Variants in PLCB1 observed in about 807,000 individuals in gnomAD.
PLCB1 encodes 1-phosphatidylinositol 4,5-bisphosphate phosphodiesterase beta-1.
A neutral mutation model predicts 161.8 loss-of-function variants in PLCB1; 46 were observed. That is an observed-to-expected ratio of 0.28 (90% CI 0.22 to 0.36). The LOEUF (loss-of-function observed/expected upper bound fraction) is 0.36, where lower values mean the gene tolerates loss of function less well. Ranked by LOEUF, PLCB1 falls within the 10% of genes least tolerant of loss-of-function variation. The pLI is 1.00. For missense variants in PLCB1, 1,016 were observed against 1,472.5 expected, an observed-to-expected ratio of 0.69 and a Z score of 5.07; for synonymous variants, 517 against 503.7, an observed-to-expected ratio of 1.03 and a Z score of -0.35.
At chr20:8,347,469 T>C (rs997787097) in intron 2 of PLCB1, among the ~76,000 whole-genome samples, 8 of 152,170 alleles carry the variant, frequency 5.3e-5, no homozygotes, top group South Asian at 2.1e-4. Context: ...CAGACTCCAA[T>C]TGGAGCTAGG....
At chr20:8,631,090 A>C (rs1024953269) in intron 4 of PLCB1, among the ~76,000 whole-genome samples, 1 of 152,226 alleles carries the variant, frequency 6.6e-6, no homozygotes. Context: ...CCAGAAACTT[A>C]AGATTTGCAA....
chr20:8,493,521 T>C (rs1983032816), intron 3 of PLCB1, among the ~76,000 whole-genome samples: 1 of 152,260 alleles, frequency 6.6e-6, no homozygotes, highest in South Asian at 2.1e-4. Flanking sequence ...GGAAAATTTA[T>C]TAAATCTCCA....
intron 31 of PLCB1, among the ~76,000 whole-genome samples, chr20:8,858,197 A>AC (rs559950234): frequency 1.5e-3 from 224 of 152,318 alleles, no homozygotes; most frequent in African/African-American, 4.9e-3. Context: ...AACATAAACT[A>AC]AATACTGTTT....
chr20:8,139,906 T>A (rs6039043), intron 1 of PLCB1, among the ~76,000 whole-genome samples: 9,278 of 152,212 alleles, frequency 0.061, 835 homozygotes, highest in African/African-American at 0.2. Flanking sequence ...AAAATTAATA[T>A]TTCCACCAAA....
At chr20:8,634,773 C>T (rs1020784895) in intron 4 of PLCB1, among the ~76,000 whole-genome samples, 3 of 152,178 alleles carry the variant, frequency 2.0e-5, no homozygotes, top group Admixed American at 6.5e-5. Flanking sequence ...CCAAGCACCT[C>T]GCTGGGCACT....
intron 2 of PLCB1, among the ~76,000 whole-genome samples, chr20:8,258,609 A>G (rs1055033047): frequency 1.3e-5 from 2 of 152,200 alleles, no homozygotes; most frequent in Admixed American, 6.6e-5. Context: ...AAGAAGAGGA[A>G]TTTATTACAG....
At chr20:8,791,798 G>A (rs1215809797) in intron 31 of PLCB1, among the ~76,000 whole-genome samples, 1 of 152,108 alleles carries the variant, frequency 6.6e-6, no homozygotes, top group African/African-American at 2.4e-5. Context: ...AGGTCATCAT[G>A]ATTAAAATCA....
intron 3 of PLCB1, among the ~76,000 whole-genome samples, chr20:8,550,830 C>A (rs1180612748): frequency 6.6e-6 from 1 of 152,138 alleles, no homozygotes; most frequent in Non-Finnish European, 1.5e-5. Context: ...TTGGAGACTT[C>A]TTCTGGTGGC....
rs745674166 is a variant in PLCB1 at position 8,727,316 on chromosome 20, T to G, written c.1686T>G (p.Asn562Lys). 5.1e-6 allele frequency: 8 copies of G among 1,583,978 alleles called. No individual in the cohort carries two copies. Among genetic ancestry groups the G allele is most frequent in the Non-Finnish European group, 6.9e-6 (8 of 1,155,692 alleles). Residue 562 changes from asparagine to lysine, a missense_variant, in exon 17 of 32, where the codon AAT becomes AAG. Physicochemically the swap from Asn to Lys is moderately conservative, Grantham distance 94. This residue lies in a region of PLCB1 where 109 missense variants were observed against 129.7 expected (regional missense o/e 0.84). Transcript: ENST00000338037. ...TGTTGTTGCTTAACTCAGAAAGAAA[T>G]AAAAGTTTTGAAATGTCTTCCTTCG... ...FESFEISKKR[N>K]KSFEMSSFVE...
At chr20:8,155,512 T>C (rs892084537) in intron 2 of PLCB1, among the ~76,000 whole-genome samples, 1 of 152,210 alleles carries the variant, frequency 6.6e-6, no homozygotes, top group Non-Finnish European at 1.5e-5. Context: ...CACAGTAACA[T>C]TTTTCAGCAT....
chr20:8,168,494 T>C (rs1199945531), intron 2 of PLCB1, among the ~76,000 whole-genome samples: 1 of 152,116 alleles, frequency 6.6e-6, no homozygotes, highest in Admixed American at 6.6e-5. Context: ...AGGTCCCTGA[T>C]AGGTGTTCTG....
chr20:8,387,706 A>G (rs769947709), intron 3 of PLCB1, among the ~76,000 whole-genome samples: 2 of 152,340 alleles, frequency 1.3e-5, no homozygotes, highest in African/African-American at 2.4e-5. Flanking sequence ...GCAAAGCACA[A>G]TGAAGCAAAG....
chr20:8,162,001 A>G (rs1454175564), intron 2 of PLCB1, among the ~76,000 whole-genome samples: 2 of 152,194 alleles, frequency 1.3e-5, no homozygotes. Flanking sequence ...TTATTTGACT[A>G]TGACTGGATA....
At chr20:8,443,979 A>G (rs1289063351) in intron 3 of PLCB1, among the ~76,000 whole-genome samples, 1 of 151,898 alleles carries the variant, frequency 6.6e-6, no homozygotes, top group African/African-American at 2.4e-5. Context: ...TTTCCTCATT[A>G]AAGTCTCTTC....
intron 2 of PLCB1, among the ~76,000 whole-genome samples, chr20:8,251,774 C>T (rs1981160475): frequency 6.6e-6 from 1 of 151,912 alleles, no homozygotes; most frequent in Non-Finnish European, 1.5e-5. Context: ...AGGTCCCTCT[C>T]CCCAAAAAGC....
intron 3 of PLCB1, among the ~76,000 whole-genome samples, chr20:8,407,719 C>T (rs1978847844): frequency 6.6e-6 from 1 of 152,076 alleles, no homozygotes; most frequent in Non-Finnish European, 1.5e-5. Context: ...AACCAAATCA[C>T]ACTCCCTCAG....
intron 21 of PLCB1, 140 bp downstream of exon 21, chr20:8,739,500 T>C (rs1980759878): frequency 1.6e-6 from 1 of 623,988 alleles, no homozygotes; most frequent in Non-Finnish European, 2.9e-6. Flanking sequence ...GAGATTTAGT[T>C]ACATGTTTTT....
At chr20:8,661,953 A>C (rs1233532369) in intron 9 of PLCB1, among the ~76,000 whole-genome samples, 2 of 130,098 alleles carry the variant, frequency 1.5e-5, no homozygotes, top group Non-Finnish European at 3.1e-5. Context: ...ATATATATAT[A>C]ATTATATAAT....
At chr20:8,837,018 C>T (rs6077434) in intron 31 of PLCB1, among the ~76,000 whole-genome samples, 48,740 of 152,008 alleles carry the variant, frequency 0.32, 8,801 homozygotes, top group East Asian at 0.64. Flanking sequence ...GGAAGGAATG[C>T]GTTGCTCAAA....
Sources: allele counts gnomAD v4.1 joint callset (sites outside exome capture counted in the v4.1 genomes callset), GRCh38; gene constraint gnomAD v4.1.1; regional missense constraint gnomAD v4.1.1; transcripts MANE v1.5; gene names NCBI Gene and HGNC (gene_info 2026-07-23, HGNC 2026-07-21).